Variants in SUGT1 observed in about 807,000 individuals in gnomAD.
SUGT1 encodes the protein SGT1 assembly cochaperone of MIS12 kinetochore complex, also known as protein SGT1 homolog.
In SUGT1, 15 loss-of-function variants were observed where a neutral mutation model predicts 56.1. That is an observed-to-expected ratio of 0.27 (90% CI 0.18 to 0.41). The LOEUF is 0.41. Among genes scored for constraint, SUGT1 ranks in the 10% least tolerant of loss-of-function variants. SUGT1 has a pLI of 1.00. For synonymous variants in SUGT1, 123 were observed against 128.6 expected (o/e 0.96, Z 0.30); for missense variants, 347 against 382.2 (o/e 0.91, Z 0.77).
chr13:52,678,834 C>T (rs999389886), intron 11 of SUGT1, among the ~76,000 whole-genome samples: 21 of 151,422 alleles, frequency 1.4e-4, no homozygotes, highest in East Asian at 1.9e-4. Context: ...TGTGCCACCA[C>T]GCCCAGCTAA....
At position 52,690,638 on chromosome 13, in the gene SUGT1, C is replaced by T. The variant is rs1963749451; in HGVS notation, c.*2803C>T. ...TAATCTGCTTTTTGAACTCTGCTAT[C>T]TAGTAATCTCTTTAGATATCTATAC... On this transcript the variant is annotated 3_prime_UTR_variant, in exon 13 of 13. Coordinates refer to ENST00000310528, the MANE Select transcript of SUGT1 (RefSeq NM_006704.5). 6.6e-6 allele frequency: 1 copy of T among 152,248 alleles called. No homozygotes were observed. The highest frequency in any genetic ancestry group is 2.4e-5 in the African/African-American group (1 of 41,552). The allele number at this position is 152,248 out of a possible 1,614,324, so 9.4% of individuals were successfully genotyped here.
chr13:52,653,195 G>A, intron 2 of SUGT1, 92 bp downstream of exon 2: 3 of 1,487,354 alleles, frequency 2.0e-6, no homozygotes, highest in Non-Finnish European at 2.8e-6. Context: ...CGCACCGCCG[G>A]ACAGGGACCC....
Position 52,681,123 on chromosome 13 carries a change from G to A in SUGT1, c.900+968G>A, listed in dbSNP as rs1279420696. Among the ~76,000 whole-genome samples the A allele has an allele frequency of 2.0e-5, 3 of 151,992 alleles. No individual in the cohort carries two copies. The South Asian group carries it at 6.2e-4, about 32-fold the overall frequency. On this transcript the variant is annotated intron_variant, in intron 12 of 12. Transcript: ENST00000310528. ...AAAGTGCTGGGATTACAGGCGTGAG[G>A]CACCTCAACCAGCCTCACTATTGAT...
intron 5 of SUGT1, among the ~76,000 whole-genome samples, chr13:52,661,775 A>G (rs898308356): frequency 1.3e-5 from 2 of 152,192 alleles, no homozygotes; most frequent in African/African-American, 4.8e-5. Context: ...GTTCTCTAGA[A>G]TACAGTGTGT....
At chr13:52,660,140 A>G (rs1489781484) in intron 5 of SUGT1, among the ~76,000 whole-genome samples, 1 of 152,016 alleles carries the variant, frequency 6.6e-6, no homozygotes, top group Non-Finnish European at 1.5e-5. Flanking sequence ...AGAGCCAAGA[A>G]TTTTTAAATC....
At chr13:52,674,019 G>T (rs970633571) in intron 10 of SUGT1, among the ~76,000 whole-genome samples, 2 of 141,578 alleles carry the variant, frequency 1.4e-5, no homozygotes, top group African/African-American at 2.6e-5. Flanking sequence ...TATATGTAGA[G>T]TTTAAACATG....
At chr13:52,672,134 G>A (rs569281085) in intron 10 of SUGT1, among the ~76,000 whole-genome samples, 62 of 152,200 alleles carry the variant, frequency 4.1e-4, no homozygotes, top group Non-Finnish European at 6.8e-4. Context: ...CAGCAAATGC[G>A]TTATCATAGA....
chr13:52,666,312 A>G (rs1962701372), intron 9 of SUGT1, among the ~76,000 whole-genome samples: 1 of 152,190 alleles, frequency 6.6e-6, no homozygotes, highest in Admixed American at 6.5e-5. Flanking sequence ...CCTGACCTCA[A>G]GTGATCTACC....
At position 52,665,617 on chromosome 13, in the gene SUGT1, TTC is replaced by T; in HGVS notation, c.423-18_423-17del. The T allele has an allele frequency of 6.6e-7, 1 of 1,521,914 alleles. No individual in the cohort carries two copies. The highest frequency in any genetic ancestry group is 8.8e-7 in the Non-Finnish European group (1 of 1,135,978). The allele number at this position is 1,521,914 out of a possible 1,614,324, so 94.3% of individuals were successfully genotyped here. A position where few individuals can be genotyped will look rare whatever the true frequency, so the allele number is the denominator to read the frequency against. On this transcript the variant is annotated intron_variant, in intron 8 of 12. Coordinates refer to ENST00000310528, the MANE Select transcript of SUGT1 (RefSeq NM_006704.5). ...AAAAAATTAGAAGAGTTACCTAAGT[TTC>T]TTTTTTTTTTTTAATAGGTATGACT...
At chr13:52,686,721 G>A (rs758679763) in intron 12 of SUGT1, among the ~76,000 whole-genome samples, 6 of 152,166 alleles carry the variant, frequency 3.9e-5, no homozygotes, top group South Asian at 2.1e-4. Flanking sequence ...GTAATAATTC[G>A]CTCTATTCTT....
rs534672367 is a variant in SUGT1 at position 52,680,932 on chromosome 13, G to C, written c.900+777G>C. 3.3e-5 allele frequency among the ~76,000 whole-genome samples: 5 copies of C among 152,104 alleles called. No homozygotes were observed. The East Asian group carries it at 7.8e-4, about 24-fold the overall frequency. On this transcript the variant is annotated intron_variant, in intron 12 of 12. Coordinates refer to ENST00000310528, the MANE Select transcript of SUGT1 (RefSeq NM_006704.5). Reference sequence around the variant, plus strand: ...TCTCGGCTCACTGCAGCCTCTGTCTGCCGGGCTCAAGTGATTTTCCTACCT... The same window carrying C: ...TCTCGGCTCACTGCAGCCTCTGTCTCCCGGGCTCAAGTGATTTTCCTACCT...
intron 12 of SUGT1, among the ~76,000 whole-genome samples, chr13:52,681,515 T>C (rs1963373579): frequency 6.6e-6 from 1 of 152,022 alleles, no homozygotes; most frequent in Non-Finnish European, 1.5e-5. Context: ...TTTTACAAAG[T>C]TTCCATTGAT....
In SUGT1 at chr13:52,689,229, A is replaced by G. The variant is rs990150004; in HGVS notation, c.*1394A>G. 2.6e-5 allele frequency: 4 copies of G among 152,166 alleles called. No homozygotes were observed. The highest frequency in any genetic ancestry group is 9.7e-5 in the African/African-American group (4 of 41,438). 9.4% of individuals were successfully genotyped at this position (152,166 alleles called of 1,614,324 possible). On this transcript the variant is annotated 3_prime_UTR_variant, in exon 13 of 13. Transcript: ENST00000310528. ...CAAACCTGTTGTTATAGCTTGTTTA[A>G]GCATTCTAGAGTTTTCACTTGTCCT...
chr13:52,684,993 C>T (rs551368037), intron 12 of SUGT1, among the ~76,000 whole-genome samples: 4 of 151,540 alleles, frequency 2.6e-5, no homozygotes, highest in East Asian at 1.9e-4. Flanking sequence ...AAAAAGAAAA[C>T]CCAGAATTTG....
chr13:52,699,159 T>C lies in SUGT1; in HGVS notation c.*11324T>C, dbSNP rs1964016795. The C allele has an allele frequency of 6.6e-6, 1 of 152,136 alleles. No individual in the cohort carries two copies. The highest frequency in any genetic ancestry group is 1.5e-5 in the Non-Finnish European group (1 of 68,020). The allele number at this position is 152,136 out of a possible 1,614,324, so 9.4% of individuals were successfully genotyped here. A position where few individuals can be genotyped will look rare whatever the true frequency, so the allele number is the denominator to read the frequency against. On this transcript the variant is annotated 3_prime_UTR_variant, in exon 13 of 13. Transcript: ENST00000310528. The stretch of plus-strand genomic sequence containing the variant: ...CCCTCTTAACACAGAAATTAAAAGG[T>C]AGAGGAGAGATGCTGAATGATGCTT...
At position 52,690,640 on chromosome 13, in the gene SUGT1, A is replaced by G. The variant is rs1387531290; in HGVS notation, c.*2805A>G. On this transcript the variant is annotated 3_prime_UTR_variant, in exon 13 of 13. Coordinates refer to ENST00000310528, the MANE Select transcript of SUGT1 (RefSeq NM_006704.5). ...ATCTGCTTTTTGAACTCTGCTATCT[A>G]GTAATCTCTTTAGATATCTATACCA... 6.6e-6 allele frequency: 1 copy of G among 152,180 alleles called. No homozygotes were observed. The highest frequency in any genetic ancestry group is 1.5e-5 in the Non-Finnish European group (1 of 68,048). The allele number at this position is 152,180 out of a possible 1,614,324, so 9.4% of individuals were successfully genotyped here.
intron 5 of SUGT1, among the ~76,000 whole-genome samples, chr13:52,659,818 T>G (rs67364621): frequency 8.0e-5 from 2 of 24,970 alleles, no homozygotes; most frequent in Middle Eastern, 0.031. Context: ...ATATATATTT[T>G]TTTTTTTTTT....
In SUGT1 at chr13:52,688,466, T is replaced by G. The variant is rs1963675448; in HGVS notation, c.*631T>G. On this transcript the variant is annotated 3_prime_UTR_variant, in exon 13 of 13. Coordinates refer to ENST00000310528, the MANE Select transcript of SUGT1 (RefSeq NM_006704.5). ...GTATAAAACATAGATACCTGAGTTT[T>G]AACACACTGCAAGTTTATACTAAGG... 2 of 152,198 alleles carry G rather than the reference T, an allele frequency of 1.3e-5. No individual in the cohort carries two copies. 9.4% of individuals were successfully genotyped at this position (152,198 alleles called of 1,614,324 possible). A position where few individuals can be genotyped will look rare whatever the true frequency, so the allele number is the denominator to read the frequency against.
intron 2 of SUGT1, 145 bp downstream of exon 2, chr13:52,653,248 C>G (rs774620640): frequency 2.0e-6 from 2 of 1,009,832 alleles, no homozygotes; most frequent in East Asian, 4.8e-5. Context: ...TATTGAGATT[C>G]TCCGTCTCTT....
Sources: allele counts gnomAD v4.1 joint callset (sites outside exome capture counted in the v4.1 genomes callset), GRCh38; gene constraint gnomAD v4.1.1; transcripts MANE v1.5; gene names NCBI Gene and HGNC (gene_info 2026-07-23, HGNC 2026-07-21).